PRPF8: variants seen among roughly 807,000 people sequenced by gnomAD.
PRPF8 encodes pre-mRNA processing factor 8, also known as pre-mRNA-processing-splicing factor 8.
Under a neutral mutation model 285.9 loss-of-function variants are expected in PRPF8, and 64 were observed. The ratio of observed to expected loss-of-function variants is 0.22; its 90% confidence interval spans 0.18 to 0.28. The LOEUF (loss-of-function observed/expected upper bound fraction) is 0.28. Ranked by LOEUF, PRPF8 falls within the 10% of genes least tolerant of loss-of-function variation. The pLI, the probability that PRPF8 is intolerant of heterozygous loss-of-function variation, is 1.00. For synonymous variants in PRPF8, 1,325 were observed against 1,118.2 expected (o/e 1.18, Z -3.69); for missense variants, 1,426 against 3,026.7 (o/e 0.47, Z 12.41).
intron 24 of PRPF8, among the ~76,000 whole-genome samples, chr17:1,667,030 G>T (rs143990669): frequency 6.6e-6 from 1 of 151,972 alleles, no homozygotes; most frequent in Non-Finnish European, 1.5e-5. Flanking sequence ...AAAATTAGCC[G>T]GGCATGGTGG....
chr17:1,669,169 C>T (rs529615261), intron 24 of PRPF8, among the ~76,000 whole-genome samples: 210 of 152,224 alleles, frequency 1.4e-3, no homozygotes, highest in Middle Eastern at 0.014. Context: ...TGCAGTGGCA[C>T]GATCTTGGCT....
chr17:1,662,911 TG>T (rs1340368788), intron 24 of PRPF8, among the ~76,000 whole-genome samples: 1 of 147,460 alleles, frequency 6.8e-6, no homozygotes, highest in African/African-American at 2.5e-5. Flanking sequence ...ACACCAGAAA[TG>T]GTAAGTATGT....
chr17:1,669,297 G>A (rs1358232562), intron 24 of PRPF8, among the ~76,000 whole-genome samples: 1 of 152,136 alleles, frequency 6.6e-6, no homozygotes. Flanking sequence ...AGTAGAGACG[G>A]GGTTTCACCA....
intron 3 of PRPF8, among the ~76,000 whole-genome samples, chr17:1,682,628 T>C (rs1912994851): frequency 6.6e-6 from 1 of 152,198 alleles, no homozygotes; most frequent in Admixed American, 6.5e-5. Context: ...TACTTCACTA[T>C]CACCAGTTGT....
At position 1,675,268 on chromosome 17, in the gene PRPF8, C is replaced by T; in HGVS notation, c.2944G>A (p.Glu982Lys). Residue 982 changes from glutamate to lysine, a missense_variant, in exon 20 of 43, where the codon GAG becomes AAG. Around this residue, in one of 34 missense-constraint regions of PRPF8, gnomAD observed 37 missense variants for 43.4 expected, o/e 0.85. Coordinates refer to ENST00000304992, the MANE Select transcript of PRPF8 (RefSeq NM_006445.4). This position sits in a 1 kb window ranked among gnomAD's most constrained non-coding sequence, Gnocchi z 6.0. Reference sequence around the variant, plus strand: ...AAGTCGATCTTCTCATACATCTTCTCAAAGCGGGATTCCAGCATGACATTG... The same window carrying T: ...AAGTCGATCTTCTCATACATCTTCTTAAAGCGGGATTCCAGCATGACATTG... ...ECNVMLESRFEKMYEKIDLTL... is the reference protein window; with the variant it reads ...ECNVMLESRFKKMYEKIDLTL... 1 of 1,614,222 alleles carries T rather than the reference C, an allele frequency of 6.2e-7. No individual in the cohort carries two copies. The highest frequency in any genetic ancestry group is 8.5e-7 in the Non-Finnish European group (1 of 1,180,044).
At position 1,679,109 on chromosome 17, in the gene PRPF8, T is replaced by A; in HGVS notation, c.1507A>T (p.Met503Leu). Reference sequence around the variant, plus strand: ...TTGCGGTGAATGAGAAGGTTGAGCATGTTGTAGCCCTGGCGGCAAACCTGG... The same window carrying A: ...TTGCGGTGAATGAGAAGGTTGAGCAAGTTGTAGCCCTGGCGGCAAACCTGG... ...GLQVCRQGYN[M>L]LNLLIHRKNL... The change falls in exon 11 of 43, where the codon ATG becomes TTG. Residue 503 changes from methionine (M) to leucine (L), a missense_variant. Coordinates refer to ENST00000304992, the MANE Select transcript of PRPF8 (RefSeq NM_006445.4). This position sits in a 1 kb window ranked among gnomAD's most constrained non-coding sequence, Gnocchi z 4.7. The A allele has an allele frequency of 6.2e-7, 1 of 1,614,182 alleles. No individual in the cohort carries two copies. Among genetic ancestry groups the A allele is most frequent in the Non-Finnish European group, 8.5e-7 (1 of 1,180,042 alleles).
At chr17:1,672,622 T>C (rs975938695) in intron 24 of PRPF8, among the ~76,000 whole-genome samples, 1 of 152,152 alleles carries the variant, frequency 6.6e-6, no homozygotes, top group African/African-American at 2.4e-5. Context: ...TAAATATACG[T>C]AGTTCAAAAT....
In PRPF8 at chr17:1,679,522, T is replaced by TA. The variant is rs1003202810; in HGVS notation, c.1289+86dup. 1.3e-5 allele frequency: 20 copies of TA among 1,582,834 alleles called. No homozygotes were observed. The highest frequency in any genetic ancestry group is 2.3e-4 in the Middle Eastern group (1 of 4,320). ...TTATGGGAAAAAAAAAAAAAGAATT[T>TA]AAAAAAAAGGCTACATGCCCACCTA... On this transcript the variant is annotated intron_variant, in intron 9 of 42. Coordinates refer to ENST00000304992, the MANE Select transcript of PRPF8 (RefSeq NM_006445.4). The surrounding 1 kb of genome is among the most constrained non-coding windows in gnomAD (Gnocchi z 4.7).
Position 1,655,517 on chromosome 17 carries a change from C to G in PRPF8, c.5820G>C (p.Leu1940=), listed in dbSNP as rs1329037168. ...YTAFSRLILI[L]RALHVNNDRA... is the part of the protein sequence containing the mutation. ...GATCGTTGTTCACATGTAGGGCACG[C>G]AGAATCAGGATGAGACGGGAGAAGG... The change falls in exon 37 of 43, where the codon CTG becomes CTC. Residue 1940 remains leucine, a synonymous_variant. Transcript: ENST00000304992. 2 of 1,613,752 alleles carry G rather than the reference C, an allele frequency of 1.2e-6. No homozygotes were observed. The highest frequency in any genetic ancestry group is 2.7e-5 in the African/African-American group (2 of 74,888).
intron 24 of PRPF8, among the ~76,000 whole-genome samples, chr17:1,664,085 C>G (rs1911822331): frequency 6.6e-6 from 1 of 152,140 alleles, no homozygotes; most frequent in Non-Finnish European, 1.5e-5. Context: ...GGCTAGAGTG[C>G]AATGGCACCA....
chr17:1,679,814 C>T lies in PRPF8; in HGVS notation c.1099-15G>A, dbSNP rs763029125. Reference sequence around the variant, plus strand: ...GGTTCCTGGCTCTGAAAAAGGAATCCCTCTAAGGGTTTAGCTCCTGCTGAA... The same window carrying T: ...GGTTCCTGGCTCTGAAAAAGGAATCTCTCTAAGGGTTTAGCTCCTGCTGAA... On this transcript the variant is annotated splice_polypyrimidine_tract_variant and intron_variant, in intron 8 of 42. Coordinates refer to ENST00000304992, the MANE Select transcript of PRPF8 (RefSeq NM_006445.4). This position sits in a 1 kb window ranked among gnomAD's most constrained non-coding sequence, Gnocchi z 4.7. The T allele has an allele frequency of 2.5e-6, 4 of 1,614,094 alleles. No individual in the cohort carries two copies. The highest frequency in any genetic ancestry group is 2.5e-6 in the Non-Finnish European group (3 of 1,179,968).
chr17:1,651,624 C>G lies in PRPF8; in HGVS notation c.6510+24G>C. The G allele has an allele frequency of 6.2e-7, 1 of 1,614,140 alleles. No homozygotes were observed. The highest frequency in any genetic ancestry group is 1.1e-5 in the South Asian group (1 of 91,082). Reference sequence around the variant, plus strand: ...GAATCGCACCAGCTTTTCCACACTCCCAGGCTCCATCACTCCCCATTACCT... The same window carrying G: ...GAATCGCACCAGCTTTTCCACACTCGCAGGCTCCATCACTCCCCATTACCT... On this transcript the variant is annotated intron_variant, in intron 40 of 42. Transcript: ENST00000304992. The surrounding 1 kb of genome is among the most constrained non-coding windows in gnomAD (Gnocchi z 5.1).
intron 36 of PRPF8, 77 bp from the exon 37 acceptor site, chr17:1,655,620 C>A (rs1189914079): frequency 7.3e-7 from 1 of 1,368,038 alleles, no homozygotes; most frequent in Non-Finnish European, 1.0e-6. Flanking sequence ...TTTCATGAAA[C>A]CCAAGAATTT....
At chr17:1,669,941 C>A (rs1396599386) in intron 24 of PRPF8, among the ~76,000 whole-genome samples, 1 of 152,208 alleles carries the variant, frequency 6.6e-6, no homozygotes, top group African/African-American at 2.4e-5. Flanking sequence ...GCTCCGAAAT[C>A]TACATCTTTA....
chr17:1,663,455 G>A (rs1911781636), intron 24 of PRPF8, among the ~76,000 whole-genome samples: 1 of 152,036 alleles, frequency 6.6e-6, no homozygotes, highest in Non-Finnish European at 1.5e-5. Context: ...GCTCACACCT[G>A]TAATCCCAGC....
chr17:1,662,000 G>T lies in PRPF8; in HGVS notation c.3928C>A (p.Arg1310=). The T allele has an allele frequency of 6.2e-7, 1 of 1,613,960 alleles. No homozygotes were observed. Among genetic ancestry groups the T allele is most frequent in the South Asian group, 1.1e-5 (1 of 91,070 alleles). ...GTGTAGAACACAACCGGGGGGAACCGACTTGGCATCTTGGAGTTGAGTCCA... is the reference window on the plus strand; with the variant it reads ...GTGTAGAACACAACCGGGGGGAACCTACTTGGCATCTTGGAGTTGAGTCCA... The part of the protein sequence containing the change: ...KIGLNSKMPS[R]FPPVVFYTPK... The change falls in exon 25 of 43, where the codon CGG becomes AGG. Residue 1310 remains arginine, a synonymous_variant. Coordinates refer to ENST00000304992, the MANE Select transcript of PRPF8 (RefSeq NM_006445.4). The surrounding 1 kb of genome is among the most constrained non-coding windows in gnomAD (Gnocchi z 7.3).
Position 1,653,385 on chromosome 17 carries a change from G to A in PRPF8, c.6369+157C>T. 1 of 1,002,058 alleles carries A rather than the reference G, an allele frequency of 1.0e-6. No homozygotes were observed. The highest frequency in any genetic ancestry group is 1.4e-5 in the South Asian group (1 of 72,360). The allele number at this position is 1,002,058 out of a possible 1,614,324, so 62.1% of individuals were successfully genotyped here. On this transcript the variant is annotated intron_variant, in intron 39 of 42. Transcript: ENST00000304992. This position sits in a 1 kb window ranked among gnomAD's most constrained non-coding sequence, Gnocchi z 4.9. ...TGCCACAGCTTTTGCTATCTCATGG[G>A]GCCAAAACCCACCTCGTTGTTTTGG...
Position 1,684,829 on chromosome 17 carries a change from C to A in PRPF8, c.-61G>T, listed in dbSNP as rs1174865702. The A allele has an allele frequency of 3.0e-5, 18 of 597,016 alleles. No individual in the cohort carries two copies. The highest frequency in any genetic ancestry group is 5.4e-5 in the Non-Finnish European group (18 of 334,480). 37.0% of individuals were successfully genotyped at this position (597,016 alleles called of 1,614,324 possible). A position where few individuals can be genotyped will look rare whatever the true frequency, so the allele number is the denominator to read the frequency against. On this transcript the variant is annotated 5_prime_UTR_variant, in exon 1 of 43. Coordinates refer to ENST00000304992, the MANE Select transcript of PRPF8 (RefSeq NM_006445.4). Reference sequence around the variant, plus strand: ...CGCTTTCCCCGCAGCGCAATGGCGGCCAGACTGCGTCCGCTCCGCGTTCCC... The same window carrying A: ...CGCTTTCCCCGCAGCGCAATGGCGGACAGACTGCGTCCGCTCCGCGTTCCC...
chr17:1,658,502 C>G lies in PRPF8; in HGVS notation c.5376+24G>C. ...CACAGCCATGTACAGAGTCCCGCAC[C>G]TATACACTGCTGCTAACACTCACCT... On this transcript the variant is annotated intron_variant, in intron 33 of 42. Transcript: ENST00000304992. This position sits in a 1 kb window ranked among gnomAD's most constrained non-coding sequence, Gnocchi z 4.1. The G allele has an allele frequency of 2.5e-6, 4 of 1,612,500 alleles. No homozygotes were observed. The highest frequency in any genetic ancestry group is 1.1e-5 in the South Asian group (1 of 91,028).
Sources: gnomAD v4.1 joint callset for allele counts (sites outside exome capture counted in the v4.1 genomes callset) on GRCh38, gnomAD v4.1.1 for gene constraint, gnomAD v4.1.1 regional missense constraint, Gnocchi (gnomAD v3.1) non-coding constraint, MANE v1.5 for transcripts, NCBI Gene and HGNC (gene_info 2026-07-23, HGNC 2026-07-21) for gene names.